Variants in DENND1A observed in about 807,000 individuals in gnomAD.
DENND1A encodes DENN domain-containing protein 1A.
DENND1A carries 51 observed loss-of-function variants against 113.7 expected under a neutral mutation model. The ratio of observed to expected loss-of-function variants is 0.45; its 90% CI spans 0.36 to 0.57. The LOEUF (loss-of-function observed/expected upper bound fraction) is 0.57, where lower values mean the gene tolerates loss of function less well. DENND1A is among the 20% of genes least tolerant of loss of function. DENND1A has a pLI of 0.00. For synonymous variants in DENND1A, 565 were observed against 570.8 expected, an observed-to-expected ratio of 0.99 and a Z score of 0.14; for missense variants, 1,258 against 1,395.9, an observed-to-expected ratio of 0.90 and a Z score of 1.57.
chr9:123,579,243 T>C (rs570363855), intron 12 of DENND1A, among the ~76,000 whole-genome samples: 1 of 152,322 alleles, frequency 6.6e-6, no homozygotes, highest in Non-Finnish European at 1.5e-5. Flanking sequence ...ATGTGGAAAT[T>C]AAGTCTTAGA....
At chr9:123,833,460 T>C (rs1200370835) in intron 2 of DENND1A, among the ~76,000 whole-genome samples, 2 of 151,994 alleles carry the variant, frequency 1.3e-5, no homozygotes, top group Non-Finnish European at 2.9e-5. Flanking sequence ...GGGGGAGAAA[T>C]GTGAAATTTC....
chr9:123,731,464 T>C (rs768848256), intron 5 of DENND1A, among the ~76,000 whole-genome samples: 3 of 152,296 alleles, frequency 2.0e-5, no homozygotes, highest in East Asian at 3.9e-4. Flanking sequence ...CGAGAAAAGA[T>C]GGTCTTTTCA....
intron 13 of DENND1A, among the ~76,000 whole-genome samples, chr9:123,510,684 C>A (rs998581964): frequency 6.6e-6 from 1 of 152,208 alleles, no homozygotes; most frequent in Non-Finnish European, 1.5e-5. Context: ...AATGCAGAAG[C>A]CTCAGTTCCT....
At chr9:123,663,129 T>C (rs1227575123) in intron 8 of DENND1A, among the ~76,000 whole-genome samples, 1 of 152,114 alleles carries the variant, frequency 6.6e-6, no homozygotes, top group East Asian at 1.9e-4. Flanking sequence ...TTCATAAGAG[T>C]AAAAATACCA....
intron 18 of DENND1A, among the ~76,000 whole-genome samples, chr9:123,443,490 T>C (rs2047077711): frequency 6.6e-6 from 1 of 152,240 alleles, no homozygotes; most frequent in South Asian, 2.1e-4. Flanking sequence ...CAAAAAGCAG[T>C]GCTGCACCTT....
At chr9:123,839,267 T>C (rs993272190) in intron 2 of DENND1A, among the ~76,000 whole-genome samples, 1 of 152,194 alleles carries the variant, frequency 6.6e-6, no homozygotes. Flanking sequence ...CGGTTCCAAT[T>C]GGTCCTCATG....
At chr9:123,695,476 A>T (rs902046604) in intron 5 of DENND1A, among the ~76,000 whole-genome samples, 6 of 150,482 alleles carry the variant, frequency 4.0e-5, no homozygotes, top group Non-Finnish European at 8.9e-5. Flanking sequence ...ATATGATGTC[A>T]TTGAGTTTTA....
chr9:123,473,838 G>A (rs931492013), intron 13 of DENND1A, among the ~76,000 whole-genome samples: 2 of 152,102 alleles, frequency 1.3e-5, no homozygotes, highest in Non-Finnish European at 1.5e-5. Context: ...AGAGATCCAG[G>A]CCTTGGAGCA....
At chr9:123,886,569 C>T (rs762926901) in intron 1 of DENND1A, among the ~76,000 whole-genome samples, 63 of 152,298 alleles carry the variant, frequency 4.1e-4, no homozygotes, top group Non-Finnish European at 7.2e-4. Flanking sequence ...TCAAAAGAAA[C>T]TGTATACACT....
chr9:123,882,296 C>G (rs1000944197), intron 1 of DENND1A, among the ~76,000 whole-genome samples: 2 of 147,418 alleles, frequency 1.4e-5, no homozygotes, highest in Non-Finnish European at 3.0e-5. Flanking sequence ...TGAGACCAGC[C>G]TGAGCAACAT....
At chr9:123,784,378 A>T (rs549642851) in intron 3 of DENND1A, among the ~76,000 whole-genome samples, 1 of 152,314 alleles carries the variant, frequency 6.6e-6, no homozygotes, top group East Asian at 1.9e-4. Flanking sequence ...CATTAGGAAG[A>T]GTCCATGTGA....
chr9:123,796,533 C>T (rs1833784794), intron 2 of DENND1A, among the ~76,000 whole-genome samples: 1 of 152,082 alleles, frequency 6.6e-6, no homozygotes, highest in African/African-American at 2.4e-5. Context: ...CAGATTGCTA[C>T]AGAATGTTTA....
Position 123,643,523 on chromosome 9 carries a change from G to A in DENND1A, c.618+8490C>T, listed in dbSNP as rs530388658. Among the ~76,000 whole-genome samples, 22 of 152,302 alleles carry A rather than the reference G, an allele frequency of 1.4e-4. 1 individual carries two copies. Among genetic ancestry groups the A allele is most frequent in the Admixed American group, 1.1e-3 (17 of 15,306 alleles). ...TGATTAGGACCAAGATACACTGCTCGAAGGAACTGCAACATATGAACCCTG... is the reference window on the plus strand; with the variant it reads ...TGATTAGGACCAAGATACACTGCTCAAAGGAACTGCAACATATGAACCCTG... On this transcript the variant is annotated intron_variant, in intron 9 of 23. Transcript: ENST00000394215.
chr9:123,882,965 C>T (rs138179112), intron 1 of DENND1A, among the ~76,000 whole-genome samples: 42 of 152,342 alleles, frequency 2.8e-4, no homozygotes, highest in African/African-American at 8.9e-4. Flanking sequence ...CCTCTGCCTA[C>T]CTGTCCAACT....
In DENND1A at chr9:123,769,554, G is replaced by A. The variant is rs746109262; in HGVS notation, c.142C>T (p.Gln48Ter). ...GGGAAACAAAACTTGGTCAAAGTCT[G>A]TAGAACTTCCTGTGGAGAGAAAGAG... ...PEDYSDQEVL[Q>*]TLTKFCFPFY... is the part of the protein sequence containing the mutation. Residue 48 changes from glutamine to a stop codon, truncating the protein, a stop_gained, in exon 4 of 24, where the codon CAG becomes TAG. Transcript: ENST00000394215. LOFTEE classifies it high-confidence loss of function. The A allele has an allele frequency of 6.2e-7, 1 of 1,609,320 alleles. No homozygotes were observed. The highest frequency in any genetic ancestry group is 8.5e-7 in the Non-Finnish European group (1 of 1,178,320).
intron 4 of DENND1A, among the ~76,000 whole-genome samples, chr9:123,767,412 G>C (rs1221820976): frequency 1.4e-5 from 2 of 143,056 alleles, no homozygotes; most frequent in Admixed American, 7.0e-5. Flanking sequence ...TTGTAAAAAA[G>C]AAAAAAAAAA....
chr9:123,818,561 C>CATATATAT (rs1250943832), intron 2 of DENND1A, among the ~76,000 whole-genome samples: 26 of 116,534 alleles, frequency 2.2e-4, no homozygotes, highest in African/African-American at 6.3e-4. Flanking sequence ...CACACACACA[C>CATATATAT]ACACACATAT....
At chr9:123,740,740 T>C (rs777310172) in intron 5 of DENND1A, among the ~76,000 whole-genome samples, 21 of 152,208 alleles carry the variant, frequency 1.4e-4, no homozygotes, top group Non-Finnish European at 2.4e-4. Flanking sequence ...AGACAGGTTA[T>C]ATGATTTGTC....
intron 21 of DENND1A, chr9:123,400,257 T>C (rs1316201050): frequency 1.3e-5 from 2 of 152,248 alleles, no homozygotes; most frequent in Admixed American, 1.3e-4. Context: ...AAAGAAAATT[T>C]GACACAGGAA....
Sources: gnomAD v4.1 joint callset for allele counts (sites outside exome capture counted in the v4.1 genomes callset) on GRCh38, gnomAD v4.1.1 for gene constraint, MANE v1.5 for transcripts, NCBI Gene and HGNC (gene_info 2026-07-23, HGNC 2026-07-21) for gene names.